MFSD11: variants seen among roughly 807,000 people sequenced by gnomAD.
MFSD11 encodes major facilitator superfamily domain containing 11.
A neutral mutation model predicts 53.5 loss-of-function variants in MFSD11; 36 were observed. The ratio of observed to expected loss-of-function variants is 0.67; its 90% CI spans 0.52 to 0.89. MFSD11 has a LOEUF of 0.89. MFSD11 is among the 40% of genes least tolerant of loss of function. The pLI is 0.00. For synonymous variants in MFSD11, 186 were observed against 184.9 expected (o/e 1.01, Z -0.05); for missense variants, 530 against 543.9 (o/e 0.97, Z 0.25).
At chr17:76,795,900 C>T in the MFSD11 span, among the ~76,000 whole-genome samples, 3 of 150,870 alleles carry the variant, frequency 2.0e-5, no homozygotes, top group Admixed American at 6.6e-5. Flanking sequence ...CTCCTGACCT[C>T]GTGATCCACC....
rs1491559378 is a variant in MFSD11 at position 76,755,813 on chromosome 17, T to TATATATATATATATATATA, written c.682+1726_682+1727insATATATATATATATATATA. ...ATACATATATATATATATATATATA[T>TATATATATATATATATATA]TTTTTTTTTTTTTTTTTTTTTTTTT... is the stretch of plus-strand genomic sequence containing the variant. On this transcript the variant is annotated intron_variant, in intron 8 of 12. Transcript: ENST00000685175. Among the ~76,000 whole-genome samples, 12 of 15,052 alleles carry TATATATATATATATATATA rather than the reference T, an allele frequency of 8.0e-4. 1 individual carries two copies. Among genetic ancestry groups the TATATATATATATATATATA allele is most frequent in the South Asian group, 4.0e-3 (1 of 250 alleles). The allele number at this position is 15,052 out of a possible 152,430, so 9.9% of individuals were successfully genotyped here. A position where few individuals can be genotyped will look rare whatever the true frequency, so the allele number is the denominator to read the frequency against.
At chr17:76,802,242 G>T in the MFSD11 span, among the ~76,000 whole-genome samples, 1 of 152,156 alleles carries the variant, frequency 6.6e-6, no homozygotes, top group Non-Finnish European at 1.5e-5. Flanking sequence ...CTGCACTCCA[G>T]CCTGAGTGAC....
At chr17:76,759,557 C>T (rs1032161066) in intron 8 of MFSD11, among the ~76,000 whole-genome samples, 1 of 151,956 alleles carries the variant, frequency 6.6e-6, no homozygotes, top group Non-Finnish European at 1.5e-5. Context: ...CAGGTTTAAG[C>T]GATTCTCCTG....
chr17:76,783,643 C>T (rs1847681891), downstream of MFSD11, among the ~76,000 whole-genome samples: 1 of 152,192 alleles, frequency 6.6e-6, no homozygotes, highest in South Asian at 2.1e-4. Context: ...ACTGCAACCT[C>T]TGCCTCCCAG....
intron 7 of MFSD11, among the ~76,000 whole-genome samples, chr17:76,751,942 T>C (rs2079085471): frequency 6.6e-6 from 1 of 152,152 alleles, no homozygotes; most frequent in Non-Finnish European, 1.5e-5. Context: ...AAAGCCCTTG[T>C]TTCAATCAGT....
At chr17:76,801,157 TGAG>T in the MFSD11 span, among the ~76,000 whole-genome samples, 1 of 151,260 alleles carries the variant, frequency 6.6e-6, no homozygotes, top group African/African-American at 2.4e-5. Context: ...TTCGGGCGGC[TGAG>T]GAGAGTGGAT....
the MFSD11 span, among the ~76,000 whole-genome samples, chr17:76,801,910 G>A: frequency 2.6e-5 from 4 of 152,092 alleles, no homozygotes; most frequent in Admixed American, 2.0e-4. Context: ...TGGGAATGCA[G>A]CCCATTAGGT....
At position 76,767,278 on chromosome 17, in the gene MFSD11, C is replaced by A. The variant is rs567721626; in HGVS notation, c.683-108C>A. On this transcript the variant is annotated intron_variant, in intron 8 of 12. Transcript: ENST00000685175. ...TCTGAAAGTTATATCCCAAAGTGTT[C>A]GTTTACTGGCATTATTGACAAGGGG... The A allele has an allele frequency of 1.5e-5, 10 of 650,270 alleles. No homozygotes were observed. The East Asian group carries it at 2.7e-4, about 18-fold the overall frequency. The allele number at this position is 650,270 out of a possible 1,614,324, so 40.3% of individuals were successfully genotyped here.
intron 8 of MFSD11, among the ~76,000 whole-genome samples, chr17:76,761,110 C>T (rs773724052): frequency 3.3e-5 from 5 of 152,022 alleles, no homozygotes; most frequent in African/African-American, 4.8e-5. Flanking sequence ...GAGGCTGAGG[C>T]GGGAGAATTG....
chr17:76,736,745 C>A, upstream of MFSD11: 4 of 1,392,188 alleles, frequency 2.9e-6, no homozygotes, highest in South Asian at 4.8e-5. Context: ...TGAGGTCGCC[C>A]GGGCCTCCCG....
chr17:76,737,165 C>CT (rs1405442602), upstream of MFSD11: 1 of 1,559,176 alleles, frequency 6.4e-7, no homozygotes, highest in Non-Finnish European at 8.7e-7. Flanking sequence ...GCTCATAGCT[C>CT]TGAGTGGCGG....
chr17:76,770,838 T>G (rs1317101214), intron 10 of MFSD11, among the ~76,000 whole-genome samples: 1 of 152,146 alleles, frequency 6.6e-6, no homozygotes, highest in Non-Finnish European at 1.5e-5. Flanking sequence ...TCTCCATGGA[T>G]TTTGGGCTCA....
chr17:76,803,048 TCGAGA>T, the MFSD11 span, among the ~76,000 whole-genome samples: 128 of 152,150 alleles, frequency 8.4e-4, no homozygotes, highest in African/African-American at 2.7e-3. Flanking sequence ...TCCCAGCTAC[TCGAGA>T]GGCTGAGGAA....
upstream of MFSD11, chr17:76,736,912 G>C: frequency 6.2e-7 from 1 of 1,612,756 alleles, no homozygotes; most frequent in Non-Finnish European, 8.5e-7. Context: ...CCCGCAGCTC[G>C]CGGCCGTCCA....
At chr17:76,801,893 G>C in the MFSD11 span, among the ~76,000 whole-genome samples, 3 of 152,036 alleles carry the variant, frequency 2.0e-5, no homozygotes, top group Non-Finnish European at 4.4e-5. Flanking sequence ...AAGAATGCCT[G>C]ACCTCCTGGG....
Position 76,769,745 on chromosome 17 carries a change from G to A in MFSD11, c.749-1G>A. On this transcript the variant is annotated splice_acceptor_variant, in intron 9 of 12. Coordinates refer to ENST00000685175, the MANE Select transcript of MFSD11 (RefSeq NM_001242532.5). LOFTEE classifies it high-confidence loss of function. The stretch of plus-strand genomic sequence containing the variant: ...CATCTGTTTTTTTTCTTTAACTAAA[G>A]GTCTGGAATTAACTTTCTTCTCTGG... The A allele has an allele frequency of 6.3e-7, 1 of 1,585,140 alleles. No individual in the cohort carries two copies. The highest frequency in any genetic ancestry group is 8.6e-7 in the Non-Finnish European group (1 of 1,169,342).
chr17:76,745,091 ATC>A (rs2078418292), intron 7 of MFSD11, among the ~76,000 whole-genome samples: 1 of 152,186 alleles, frequency 6.6e-6, no homozygotes, highest in Non-Finnish European at 1.5e-5. Flanking sequence ...CAGGCTAGTG[ATC>A]TGCAGTATCA....
At position 76,775,141 on chromosome 17, in the gene MFSD11, G is replaced by A; in HGVS notation, c.1019G>A (p.Gly340Glu). The A allele has an allele frequency of 1.9e-6, 3 of 1,613,940 alleles. No homozygotes were observed. Among genetic ancestry groups the A allele is most frequent in the African/African-American group, 1.3e-5 (1 of 75,020 alleles). The change falls in exon 11 of 13, where the codon GGA (glycine) becomes GAA (glutamate). Residue 340 changes from glycine (G) to glutamate (E), a missense_variant. By Grantham distance (98) the Gly-to-Glu change is moderately conservative. Coordinates refer to ENST00000685175, the MANE Select transcript of MFSD11 (RefSeq NM_001242532.5). ...GATGCCCCGATTGCTCCTGTTAAAG[G>A]AACTGACAGCAGTGCTTACATCAAA... ...PGDAPIAPVK[G>E]TDSSAYIKSS...
chr17:76,749,108 T>C (rs973004449), intron 7 of MFSD11, among the ~76,000 whole-genome samples: 2 of 152,198 alleles, frequency 1.3e-5, no homozygotes, highest in Admixed American at 6.5e-5. Context: ...CCATCTAAAG[T>C]ATACACTTCA....
Sources: gnomAD v4.1 joint callset for allele counts (sites outside exome capture counted in the v4.1 genomes callset) on GRCh38, gnomAD v4.1.1 for gene constraint, MANE v1.5 for transcripts, NCBI Gene and HGNC (gene_info 2026-07-23, HGNC 2026-07-21) for gene names.